Variants in USP25 observed in about 807,000 individuals in gnomAD.
The protein encoded by USP25 is ubiquitin specific peptidase 25.
Under a neutral mutation model 158.5 loss-of-function variants are expected in USP25, and 85 were observed. The observed-to-expected ratio is 0.54, with a 90% CI of 0.45 to 0.64. The LOEUF (loss-of-function observed/expected upper bound fraction) is 0.64, where lower values mean the gene tolerates loss of function less well. USP25 is among the 30% of genes least tolerant of loss of function. The pLI is 0.00. For missense variants in USP25, 1,242 were observed against 1,327.3 expected (o/e 0.94, Z 1.00); for synonymous variants, 464 against 460.4 (o/e 1.01, Z -0.10).
At chr21:15,752,852 A>G (rs574746284) in intron 1 of USP25, among the ~76,000 whole-genome samples, 8 of 152,346 alleles carry the variant, frequency 5.3e-5, no homozygotes, top group African/African-American at 1.9e-4. Flanking sequence ...TTTTAATGCT[A>G]AAGTGCTGTT....
intron 14 of USP25, among the ~76,000 whole-genome samples, chr21:15,830,017 C>T (rs2037720299): frequency 6.6e-6 from 1 of 152,038 alleles, no homozygotes; most frequent in Non-Finnish European, 1.5e-5. Context: ...TTATTGTGGA[C>T]AATATGACTG....
intron 10 of USP25, among the ~76,000 whole-genome samples, chr21:15,820,133 G>T (rs1320566239): frequency 6.6e-6 from 1 of 151,898 alleles, no homozygotes; most frequent in Non-Finnish European, 1.5e-5. Context: ...CTTAAGAGTG[G>T]GACTTTACCA....
chr21:15,810,065 T>C (rs1354613216), intron 8 of USP25, among the ~76,000 whole-genome samples: 1 of 152,092 alleles, frequency 6.6e-6, no homozygotes, highest in African/African-American at 2.4e-5. Context: ...ATTCTGACAT[T>C]GGTTGCACAA....
intron 19 of USP25, among the ~76,000 whole-genome samples, chr21:15,849,168 G>C (rs1293762316): frequency 6.6e-6 from 1 of 152,150 alleles, no homozygotes; most frequent in East Asian, 1.9e-4. Flanking sequence ...ATTTAAAAAA[G>C]TTGAATTGTG....
At chr21:15,856,517 G>C (rs2039147752) in intron 20 of USP25, among the ~76,000 whole-genome samples, 1 of 151,956 alleles carries the variant, frequency 6.6e-6, no homozygotes, top group South Asian at 2.1e-4. Context: ...TGTCGCCCAG[G>C]CTGGAGTGCA....
chr21:15,817,826 C>A (rs771678283), intron 9 of USP25, among the ~76,000 whole-genome samples: 1 of 152,122 alleles, frequency 6.6e-6, no homozygotes, highest in South Asian at 2.1e-4. Context: ...TCCCACAATA[C>A]AGGAGAATTA....
intron 1 of USP25, among the ~76,000 whole-genome samples, chr21:15,757,870 G>A (rs566984268): frequency 2.6e-4 from 40 of 152,302 alleles, no homozygotes; most frequent in Admixed American, 1.5e-3. Context: ...GCTAGCATAG[G>A]CAGTGTAATC....
At chr21:15,836,970 G>A (rs992848630) in intron 17 of USP25, among the ~76,000 whole-genome samples, 2 of 131,714 alleles carry the variant, frequency 1.5e-5, no homozygotes, top group African/African-American at 5.8e-5. Flanking sequence ...CTGTTGTTGA[G>A]ATTTTCAGCC....
At chr21:15,775,209 A>G (rs764513739) in intron 3 of USP25, among the ~76,000 whole-genome samples, 8 of 152,178 alleles carry the variant, frequency 5.3e-5, no homozygotes, top group African/African-American at 1.4e-4. Flanking sequence ...TTGAATTACA[A>G]TTGATGAATT....
At position 15,805,271 on chromosome 21, in the gene USP25, C is replaced by A; in HGVS notation, c.780+13C>A. 6.3e-7 allele frequency: 1 copy of A among 1,578,322 alleles called. No individual in the cohort carries two copies. The highest frequency in any genetic ancestry group is 1.2e-5 in the South Asian group (1 of 84,028). Reference sequence around the variant, plus strand: ...TGACTCACAGCAGGTAGTTCTGTTGCACTGACTTGTTCATTAACCATTTGT... The same window carrying A: ...TGACTCACAGCAGGTAGTTCTGTTGAACTGACTTGTTCATTAACCATTTGT... On this transcript the variant is annotated intron_variant, in intron 7 of 25. Coordinates refer to ENST00000400183, the MANE Select transcript of USP25 (RefSeq NM_001283041.3).
intron 17 of USP25, among the ~76,000 whole-genome samples, chr21:15,838,297 A>T (rs1243731676): frequency 6.6e-6 from 1 of 151,924 alleles, no homozygotes; most frequent in Non-Finnish European, 1.5e-5. Flanking sequence ...TGTTCCTTGA[A>T]AGTTTTCTGT....
At chr21:15,852,153 A>G (rs926107702) in intron 20 of USP25, among the ~76,000 whole-genome samples, 1 of 152,128 alleles carries the variant, frequency 6.6e-6, no homozygotes, top group Non-Finnish European at 1.5e-5. Flanking sequence ...CGTTTTACTC[A>G]TAGCATAAGG....
chr21:15,737,811 A>G (rs1247028722), intron 1 of USP25, among the ~76,000 whole-genome samples: 2 of 151,342 alleles, frequency 1.3e-5, no homozygotes, highest in African/African-American at 2.4e-5. Flanking sequence ...GCTTGGGACC[A>G]GAAGTGTTTT....
chr21:15,874,699 T>G (rs2252133), intron 24 of USP25, among the ~76,000 whole-genome samples, 173 bp downstream of exon 24: 19,842 of 152,224 alleles, frequency 0.13, 1,334 homozygotes, highest in East Asian at 0.17. Context: ...TACTTTATTC[T>G]TTTCTCTTTA....
At chr21:15,759,543 G>A (rs781579876) in intron 1 of USP25, among the ~76,000 whole-genome samples, 1 of 152,102 alleles carries the variant, frequency 6.6e-6, no homozygotes, top group East Asian at 1.9e-4. Context: ...CCAGGTCATC[G>A]GTAGATTTGA....
chr21:15,868,952 A>G (rs1176544598), intron 22 of USP25, among the ~76,000 whole-genome samples: 1 of 152,214 alleles, frequency 6.6e-6, no homozygotes, highest in Non-Finnish European at 1.5e-5. Context: ...TGTCTTGAAA[A>G]TTAAAATTAA....
chr21:15,853,032 T>A (rs1482199988), intron 20 of USP25, among the ~76,000 whole-genome samples: 1 of 152,058 alleles, frequency 6.6e-6, no homozygotes, highest in Non-Finnish European at 1.5e-5. Context: ...AATATAGAGG[T>A]GTCTAAAATA....
At chr21:15,867,073 G>C (rs1039308516) in intron 22 of USP25, among the ~76,000 whole-genome samples, 2 of 152,030 alleles carry the variant, frequency 1.3e-5, no homozygotes, top group Non-Finnish European at 2.9e-5. Flanking sequence ...CACTTACATA[G>C]GTACTTGTAC....
chr21:15,739,879 A>C (rs1269527177), intron 1 of USP25, among the ~76,000 whole-genome samples: 1 of 152,216 alleles, frequency 6.6e-6, no homozygotes, highest in Non-Finnish European at 1.5e-5. Flanking sequence ...GGCAGACTTT[A>C]ATTAATTTCC....
Sources: allele counts gnomAD v4.1 joint callset (sites outside exome capture counted in the v4.1 genomes callset), GRCh38; gene constraint gnomAD v4.1.1; transcripts MANE v1.5; gene names NCBI Gene and HGNC (gene_info 2026-07-23, HGNC 2026-07-21).